ZNF43: variants seen among roughly 807,000 people sequenced by gnomAD.
ZNF43 encodes zinc finger protein 43.
A neutral mutation model predicts 68.4 loss-of-function variants in ZNF43; 44 were observed. The observed-to-expected ratio is 0.64, with a 90% CI of 0.51 to 0.83. ZNF43 has a LOEUF of 0.83. Ranked by LOEUF, ZNF43 falls within the 40% of genes least tolerant of loss-of-function variation. The pLI is 0.00. For missense variants in ZNF43, 896 were observed against 933.2 expected, an observed-to-expected ratio of 0.96 and a Z score of 0.52; for synonymous variants, 308 against 307.8, an observed-to-expected ratio of 1.00 and a Z score of -0.01.
intron 3 of ZNF43, 85 bp from the exon 4 acceptor site, chr19:21,809,892 C>T (rs1368371183): frequency 1.9e-5 from 25 of 1,299,816 alleles, no homozygotes; most frequent in Non-Finnish European, 2.6e-5. Context: ...ATCACACAAG[C>T]TACATAAGCA....
intron 1 of ZNF43, among the ~76,000 whole-genome samples, chr19:21,835,355 GTTTT>G (rs554756455): frequency 8.4e-6 from 1 of 119,626 alleles, no homozygotes; most frequent in African/African-American, 3.3e-5. Flanking sequence ...ATCTAGTTTA[GTTTT>G]TTTTTTTTTT....
Position 21,809,784 on chromosome 19 carries a change from C to A in ZNF43, c.253G>T (p.Asp85Tyr). 1.9e-6 allele frequency: 3 copies of A among 1,566,636 alleles called. No homozygotes were observed. The highest frequency in any genetic ancestry group is 2.6e-6 in the Non-Finnish European group (3 of 1,161,500). The change falls in exon 4 of 4, where the codon GAC (aspartate) becomes TAC (tyrosine). Residue 85 changes from aspartate to tyrosine, a missense_variant. Coordinates refer to ENST00000354959, the MANE Select transcript of ZNF43 (RefSeq NM_003423.4). ...PPVMCSHFTQ[D>Y]FWPEQHIKDP... ...TTTATATGCTGCTCTGGCCAAAAGT[C>A]TTGGGTAAAATGAGAACACATAACT...
intron 1 of ZNF43, 61 bp from the exon 2 acceptor site, chr19:21,819,282 A>G: frequency 4.7e-6 from 7 of 1,483,190 alleles, no homozygotes; most frequent in Non-Finnish European, 6.2e-6. Context: ...CACAGGCAGA[A>G]TTTATAATTT....
chr19:21,851,641 C>T (rs894065111), intron 1 of ZNF43, among the ~76,000 whole-genome samples: 6 of 152,148 alleles, frequency 3.9e-5, no homozygotes. Flanking sequence ...CCCCGATCAT[C>T]CGCCGGGCAT....
chr19:21,821,306 C>T (rs1366208772), intron 1 of ZNF43, among the ~76,000 whole-genome samples: 3 of 152,040 alleles, frequency 2.0e-5, no homozygotes, highest in Non-Finnish European at 1.5e-5. Flanking sequence ...GCACTACGCC[C>T]TGCTATTTTT....
intron 1 of ZNF43, among the ~76,000 whole-genome samples, chr19:21,831,322 GAA>G (rs1454884502): frequency 3.3e-5 from 5 of 152,028 alleles, no homozygotes; most frequent in African/African-American, 4.8e-5. Flanking sequence ...TCTACACCTA[GAA>G]AACCCTATAG....
At chr19:21,842,898 G>C (rs1967641478) in intron 1 of ZNF43, among the ~76,000 whole-genome samples, 1 of 152,134 alleles carries the variant, frequency 6.6e-6, no homozygotes, top group Non-Finnish European at 1.5e-5. Context: ...CTCTTCTGTG[G>C]TCAGGGCCCA....
chr19:21,839,040 G>A (rs928310791), upstream of ZNF43: 1 of 152,058 alleles, frequency 6.6e-6, no homozygotes, highest in African/African-American at 2.4e-5. Context: ...CAAGAAAGGA[G>A]CTTCCCACCC....
chr19:21,835,227 C>T (rs1394430427), intron 1 of ZNF43, among the ~76,000 whole-genome samples: 1 of 98,238 alleles, frequency 1.0e-5, no homozygotes. Flanking sequence ...CCAGCCTGGG[C>T]AGCAAAAGCG....
upstream of ZNF43, chr19:21,836,288 C>G: frequency 7.9e-7 from 1 of 1,261,020 alleles, no homozygotes; most frequent in South Asian, 2.0e-5. Flanking sequence ...TAAGGTCCTG[C>G]CCCCGCAAAC....
In ZNF43 at chr19:21,836,164, T is replaced by C. The variant is rs2038723197; in HGVS notation, c.-126A>G. ...GAAGAACGAAGACGAGACGCAGAGC[T>C]CCAACTGCAGCCAGAGACAAAGGCC... is the stretch of plus-strand genomic sequence containing the variant. On this transcript the variant is annotated 5_prime_UTR_variant, in exon 1 of 4. Coordinates refer to ENST00000354959, the MANE Select transcript of ZNF43 (RefSeq NM_003423.4). 2.6e-6 allele frequency: 4 copies of C among 1,561,518 alleles called. No individual in the cohort carries two copies. Among genetic ancestry groups the C allele is most frequent in the Non-Finnish European group, 3.5e-6 (4 of 1,152,588 alleles).
At chr19:21,843,571 C>T (rs1431515316) in intron 1 of ZNF43, among the ~76,000 whole-genome samples, 3 of 152,098 alleles carry the variant, frequency 2.0e-5, no homozygotes, top group Non-Finnish European at 4.4e-5. Context: ...AGGTGGATCA[C>T]CTGAGGTCAG....
At chr19:21,826,431 T>TG (rs368735918) in intron 1 of ZNF43, 35 of 152,294 alleles carry the variant, frequency 2.3e-4, no homozygotes, top group African/African-American at 6.3e-4. Context: ...GTGAGCAGCA[T>TG]GACAGTAAAT....
chr19:21,841,436 G>T (rs993528335), intron 1 of ZNF43: 2 of 152,188 alleles, frequency 1.3e-5, no homozygotes, highest in African/African-American at 4.8e-5. Context: ...ACAAAGTCAC[G>T]TTACTTGGTA....
rs1161779669 is a variant in ZNF43, at chr19:21,808,922, C to A, written c.1115G>T (p.Cys372Phe). The A allele has an allele frequency of 6.2e-7, 1 of 1,613,412 alleles. No homozygotes were observed. The highest frequency in any genetic ancestry group is 2.2e-5 in the East Asian group (1 of 44,828). The stretch of plus-strand genomic sequence containing the variant: ...GCTAAAAGCTTCACCACATTCTGTA[C>A]ATTTATAGAATTTCTCTGCAGTATG... ...RIHTAEKFYKCTECGEAFSRS... is the reference protein window; with the variant it reads ...RIHTAEKFYKFTECGEAFSRS... Residue 372 changes from cysteine to phenylalanine, a missense_variant, in exon 4 of 4, where the codon TGT (cysteine) becomes TTT (phenylalanine). Cys to Phe is a radical substitution (Grantham distance 205, BLOSUM62 -2). Coordinates refer to ENST00000354959, the MANE Select transcript of ZNF43 (RefSeq NM_003423.4).
At chr19:21,843,657 C>T (rs1049331690) in intron 1 of ZNF43, among the ~76,000 whole-genome samples, 12 of 152,224 alleles carry the variant, frequency 7.9e-5, no homozygotes, top group African/African-American at 1.9e-4. Context: ...GATATGGTGG[C>T]GGGCGCCTGT....
intron 1 of ZNF43, among the ~76,000 whole-genome samples, chr19:21,829,502 AC>A (rs1253520160): frequency 1.3e-5 from 2 of 152,166 alleles, no homozygotes; most frequent in African/African-American, 4.8e-5. Flanking sequence ...ACTTTAAAAG[AC>A]TAAAAAAAAA....
At chr19:21,819,978 C>T (rs1316018147) in intron 1 of ZNF43, among the ~76,000 whole-genome samples, 2 of 151,666 alleles carry the variant, frequency 1.3e-5, no homozygotes, top group Non-Finnish European at 2.9e-5. Flanking sequence ...GCAGGTGGAT[C>T]ACCTGAGGTC....
In ZNF43 at chr19:21,819,161, C is replaced by T; in HGVS notation, c.64G>A (p.Asp22Asn). Residue 22 changes from aspartate (D) to asparagine (N), a missense_variant, in exon 2 of 4, where the codon GAC (aspartate) becomes AAC (asparagine). By Grantham distance (23) the Asp-to-Asn change is conservative. Transcript: ENST00000354959. ...CTATATAAATTCTGCTGTGCAATGT[C>T]CAGGCATTGCCACTCCTCCAGACAG... ...EFCLEEWQCLDIAQQNLYRNV... is the reference protein window; with the variant it reads ...EFCLEEWQCLNIAQQNLYRNV... The T allele has an allele frequency of 1.9e-6, 3 of 1,609,116 alleles. No individual in the cohort carries two copies. The highest frequency in any genetic ancestry group is 2.5e-6 in the Non-Finnish European group (3 of 1,178,422).
Sources: gnomAD v4.1 joint callset for allele counts (sites outside exome capture counted in the v4.1 genomes callset) on GRCh38, gnomAD v4.1.1 for gene constraint, MANE v1.5 for transcripts, NCBI Gene and HGNC (gene_info 2026-07-23, HGNC 2026-07-21) for gene names.